The following ZBTB7C variants were observed in gnomAD, a reference collection of about 807,000 sequenced individuals.
ZBTB7C encodes zinc finger and BTB domain-containing protein 7C.
A neutral mutation model predicts 25.7 loss-of-function variants in ZBTB7C; 8 were observed. The observed-to-expected ratio is 0.31, with a 90% CI of 0.18 to 0.56. The LOEUF is 0.56. Ranked by LOEUF, ZBTB7C falls within the 20% of genes least tolerant of loss-of-function variation. The pLI is 0.91. For missense variants in ZBTB7C, 824 were observed against 855.2 expected (o/e 0.96, Z 0.46); for synonymous variants, 394 against 369.0 (o/e 1.07, Z -0.78).
At chr18:48,330,835 G>A (rs753032504) in intron 2 of ZBTB7C, among the ~76,000 whole-genome samples, 2 of 152,074 alleles carry the variant, frequency 1.3e-5, no homozygotes, top group Non-Finnish European at 2.9e-5. Flanking sequence ...CGGACAGGTA[G>A]GACTTGGGCC....
At chr18:48,071,422 T>A (rs545923893) in intron 3 of ZBTB7C, among the ~76,000 whole-genome samples, 1 of 152,284 alleles carries the variant, frequency 6.6e-6, no homozygotes, top group African/African-American at 2.4e-5. Context: ...TAGGAAAGGG[T>A]AAGTCAAAAC....
intron 3 of ZBTB7C, among the ~76,000 whole-genome samples, chr18:48,183,200 A>G (rs752483492): frequency 2.0e-5 from 3 of 152,200 alleles, no homozygotes; most frequent in Admixed American, 6.5e-5. Flanking sequence ...CCCTTCTGGA[A>G]TAACCCCAAC....
At position 48,388,069 on chromosome 18, in the gene ZBTB7C, C is replaced by T. The variant is rs541495449; in HGVS notation, c.-304+21157G>A. On this transcript the variant is annotated intron_variant, in intron 1 of 4. Transcript: ENST00000590800. ...CTCGAACTCCTGACCTCAAGTGATCCGCCCTCCTCGGCCTCCCAAAGCGCT... is the reference window on the plus strand; with the variant it reads ...CTCGAACTCCTGACCTCAAGTGATCTGCCCTCCTCGGCCTCCCAAAGCGCT... Among the ~76,000 whole-genome samples the T allele has an allele frequency of 7.9e-5, 12 of 152,234 alleles. No individual in the cohort carries two copies. The South Asian group carries it at 2.1e-3, about 26-fold the overall frequency.
At chr18:48,380,676 G>A (rs925451279) in intron 1 of ZBTB7C, among the ~76,000 whole-genome samples, 13 of 152,058 alleles carry the variant, frequency 8.5e-5, no homozygotes, top group Admixed American at 3.3e-4. Flanking sequence ...GAGATATGAC[G>A]ACTAAATGTA....
intron 3 of ZBTB7C, among the ~76,000 whole-genome samples, chr18:48,045,109 T>A (rs1452198143): frequency 6.6e-6 from 1 of 152,196 alleles, no homozygotes; most frequent in Non-Finnish European, 1.5e-5. Context: ...TGCTTAGGGA[T>A]GCCTTTGTGG....
At chr18:48,175,540 A>G (rs1345392666) in intron 3 of ZBTB7C, among the ~76,000 whole-genome samples, 1 of 152,196 alleles carries the variant, frequency 6.6e-6, no homozygotes, top group Admixed American at 6.5e-5. Flanking sequence ...ACATGGATGT[A>G]TAGGTGTATG....
chr18:48,256,567 T>C (rs920651862), intron 2 of ZBTB7C, among the ~76,000 whole-genome samples: 3 of 151,668 alleles, frequency 2.0e-5, no homozygotes, highest in Non-Finnish European at 4.4e-5. Flanking sequence ...GGTGGAAATA[T>C]GGATCTAGAC....
chr18:48,231,703 C>T (rs1400181656), intron 2 of ZBTB7C, among the ~76,000 whole-genome samples: 1 of 152,176 alleles, frequency 6.6e-6, no homozygotes, highest in East Asian at 1.9e-4. Context: ...TGAAGCATGC[C>T]CCTTGCTCAT....
At chr18:48,037,542 CA>C (rs2036027018) in intron 4 of ZBTB7C, among the ~76,000 whole-genome samples, 1 of 152,220 alleles carries the variant, frequency 6.6e-6, no homozygotes, top group Non-Finnish European at 1.5e-5. Flanking sequence ...TCCCTTAAAA[CA>C]GGGTGCACAG....
At chr18:48,036,798 G>C (rs1024106637) in intron 4 of ZBTB7C, among the ~76,000 whole-genome samples, 6 of 152,150 alleles carry the variant, frequency 3.9e-5, no homozygotes, top group Non-Finnish European at 8.8e-5. Context: ...GCAGGTGTTA[G>C]GAATCGCGTT....
chr18:48,140,977 G>T (rs920873068), intron 3 of ZBTB7C, among the ~76,000 whole-genome samples: 1 of 151,986 alleles, frequency 6.6e-6, no homozygotes, highest in Non-Finnish European at 1.5e-5. Context: ...CTGCTCCTTC[G>T]GCCCAACGCC....
At chr18:48,165,090 C>T (rs752261217) in intron 3 of ZBTB7C, 2 of 1,285,160 alleles carry the variant, frequency 1.6e-6, no homozygotes, top group South Asian at 2.5e-5. Context: ...TTCCCACAAA[C>T]AAGTATGGTT....
chr18:48,142,685 C>G (rs985527631), intron 3 of ZBTB7C, among the ~76,000 whole-genome samples: 2 of 152,130 alleles, frequency 1.3e-5, no homozygotes, highest in Non-Finnish European at 2.9e-5. Flanking sequence ...GGCCTGTCAC[C>G]ATGGATCCCA....
intron 2 of ZBTB7C, among the ~76,000 whole-genome samples, chr18:48,301,555 C>T (rs1453286911): frequency 6.6e-6 from 1 of 152,116 alleles, no homozygotes; most frequent in Non-Finnish European, 1.5e-5. Flanking sequence ...TGGACTGTGG[C>T]TCCATCTCAC....
At chr18:48,134,090 A>ATTT (rs35281038) in intron 3 of ZBTB7C, among the ~76,000 whole-genome samples, 1 of 139,034 alleles carries the variant, frequency 7.2e-6, no homozygotes, top group African/African-American at 2.7e-5. Context: ...CAAACCCAGG[A>ATTT]TTTTTTTTTT....
chr18:48,336,716 C>T (rs1160219291), intron 2 of ZBTB7C, among the ~76,000 whole-genome samples: 1 of 152,162 alleles, frequency 6.6e-6, no homozygotes, highest in East Asian at 1.9e-4. Context: ...AGACTACAAA[C>T]TTGAAAGTCC....
At chr18:48,294,505 G>C (rs1366771854) in intron 2 of ZBTB7C, among the ~76,000 whole-genome samples, 2 of 152,184 alleles carry the variant, frequency 1.3e-5, no homozygotes, top group Non-Finnish European at 2.9e-5. Context: ...GCAATTCCCA[G>C]CTGTCCCTGC....
At chr18:48,105,156 A>G (rs1185567931) in intron 3 of ZBTB7C, among the ~76,000 whole-genome samples, 2 of 152,202 alleles carry the variant, frequency 1.3e-5, no homozygotes, top group East Asian at 3.9e-4. Context: ...AAGCCACCCC[A>G]TGACCCCCAA....
chr18:48,117,794 C>A (rs2039491922), intron 3 of ZBTB7C, among the ~76,000 whole-genome samples: 1 of 152,100 alleles, frequency 6.6e-6, no homozygotes, highest in African/African-American at 2.4e-5. Flanking sequence ...CCAAACAGCT[C>A]CCCAGATAGA....
Sources: gnomAD v4.1 joint callset for allele counts (sites outside exome capture counted in the v4.1 genomes callset) on GRCh38, gnomAD v4.1.1 for gene constraint, MANE v1.5 for transcripts, NCBI Gene and HGNC (gene_info 2026-07-23, HGNC 2026-07-21) for gene names.